The following SLC20A2 variants were observed in gnomAD, a reference collection of about 807,000 sequenced individuals.
SLC20A2 encodes the protein solute carrier family 20 member 2.
A neutral mutation model predicts 61.0 loss-of-function variants in SLC20A2; 30 were observed. That is an observed-to-expected ratio of 0.49 (90% CI 0.37 to 0.67). The LOEUF is 0.67. SLC20A2 is among the 30% of genes least tolerant of loss of function. SLC20A2 has a pLI of 0.00. For missense variants in SLC20A2, 626 were observed against 866.4 expected (o/e 0.72, Z 3.48); for synonymous variants, 351 against 353.3 (o/e 0.99, Z 0.07).
At chr8:42,523,758 A>G (rs765758464) in intron 1 of SLC20A2, among the ~76,000 whole-genome samples, 1 of 152,198 alleles carries the variant, frequency 6.6e-6, no homozygotes, top group Admixed American at 6.5e-5. Context: ...GTCCCAATGC[A>G]GGAAATTACA....
intron 1 of SLC20A2, among the ~76,000 whole-genome samples, chr8:42,495,173 G>T (rs137880833): frequency 6.6e-6 from 1 of 152,214 alleles, no homozygotes; most frequent in African/African-American, 2.4e-5. Context: ...TATTTTTAAT[G>T]ACACATTTGT....
At chr8:42,459,802 T>C in intron 5 of SLC20A2, 94 bp downstream of exon 5, 2 of 812,590 alleles carry the variant, frequency 2.5e-6, no homozygotes, top group Non-Finnish European at 4.1e-6. Context: ...GTAATGCTTT[T>C]TACTGTCAGC....
chr8:42,455,282 A>AGG (rs1361914686), intron 5 of SLC20A2, among the ~76,000 whole-genome samples: 4 of 147,402 alleles, frequency 2.7e-5, no homozygotes, highest in Non-Finnish European at 6.0e-5. Context: ...AGAGAGAGAG[A>AGG]GAGAGAGAGA....
At chr8:42,522,799 GGCCCAGGCGA>G (rs2131403932) in intron 1 of SLC20A2, among the ~76,000 whole-genome samples, 1 of 150,808 alleles carries the variant, frequency 6.6e-6, no homozygotes, top group East Asian at 2.0e-4. Context: ...TGAATTCCTG[GGCCCAGGCGA>G]GCCTCCTGCC....
chr8:42,471,992 A>G (rs987880563), intron 2 of SLC20A2, 110 bp downstream of exon 2: 1 of 917,876 alleles, frequency 1.1e-6, no homozygotes, highest in Non-Finnish European at 1.7e-6. Flanking sequence ...ACATCCAACC[A>G]GTTTTTGAAA....
intron 5 of SLC20A2, 24 bp from the exon 6 acceptor site, chr8:42,444,786 T>A: frequency 6.3e-7 from 1 of 1,581,436 alleles, no homozygotes; most frequent in Non-Finnish European, 8.7e-7. Flanking sequence ...TGAGAAGCAG[T>A]GTCATTACTG....
At chr8:42,446,128 G>GT (rs1156528002) in intron 5 of SLC20A2, among the ~76,000 whole-genome samples, 4 of 152,162 alleles carry the variant, frequency 2.6e-5, no homozygotes, top group Admixed American at 6.5e-5. Flanking sequence ...AGGAATAAGA[G>GT]TTTTTTAAAA....
intron 1 of SLC20A2, among the ~76,000 whole-genome samples, chr8:42,536,188 G>C: frequency 6.6e-6 from 1 of 152,150 alleles, no homozygotes; most frequent in East Asian, 1.9e-4. Flanking sequence ...ATTATTACAA[G>C]TTTCTTTTAT....
chr8:42,507,821 T>C (rs559319213), intron 1 of SLC20A2, among the ~76,000 whole-genome samples: 1 of 152,358 alleles, frequency 6.6e-6, no homozygotes, highest in Non-Finnish European at 1.5e-5. Flanking sequence ...TAAAAGTTCA[T>C]TCCAATAGGA....
intron 6 of SLC20A2, among the ~76,000 whole-genome samples, chr8:42,442,153 G>C (rs930315544): frequency 6.6e-6 from 1 of 151,908 alleles, no homozygotes; most frequent in Non-Finnish European, 1.5e-5. Context: ...GGCTGATCTC[G>C]AACTCCCGAC....
intron 1 of SLC20A2, among the ~76,000 whole-genome samples, chr8:42,507,541 T>C (rs969873233): frequency 6.6e-6 from 1 of 152,258 alleles, no homozygotes; most frequent in African/African-American, 2.4e-5. Context: ...TAGTTGATTT[T>C]TTAAATTATA....
At chr8:42,491,593 C>T (rs964852472) in intron 1 of SLC20A2, among the ~76,000 whole-genome samples, 1 of 151,828 alleles carries the variant, frequency 6.6e-6, no homozygotes, top group South Asian at 2.1e-4. Flanking sequence ...ATCGCTTGAA[C>T]GTGGAAGGCA....
chr8:42,462,522 C>T (rs1806791755), intron 4 of SLC20A2, among the ~76,000 whole-genome samples: 1 of 151,684 alleles, frequency 6.6e-6, no homozygotes, highest in South Asian at 2.1e-4. Flanking sequence ...CAAGATGTAC[C>T]CAATAGGTGT....
At chr8:42,538,826 C>G (rs1446899281) in intron 1 of SLC20A2, among the ~76,000 whole-genome samples, 1 of 152,182 alleles carries the variant, frequency 6.6e-6, no homozygotes, top group Non-Finnish European at 1.5e-5. Context: ...GAAAAACATA[C>G]AGAAATTCCA....
chr8:42,420,980 T>C (rs1802999388), intron 10 of SLC20A2, among the ~76,000 whole-genome samples: 1 of 152,246 alleles, frequency 6.6e-6, no homozygotes, highest in South Asian at 2.1e-4. Flanking sequence ...ATATTGCTGA[T>C]AATTTATTTC....
chr8:42,464,818 A>G (rs561944991), intron 3 of SLC20A2, among the ~76,000 whole-genome samples: 1 of 152,048 alleles, frequency 6.6e-6, no homozygotes, highest in African/African-American at 2.4e-5. Context: ...ACTAAAATAC[A>G]AAAGAAATGA....
intron 6 of SLC20A2, among the ~76,000 whole-genome samples, chr8:42,441,142 CTTTTTTTTT>C (rs112150338): frequency 1.6e-5 from 2 of 125,594 alleles, no homozygotes; most frequent in African/African-American, 6.0e-5. Context: ...ATATTTTGCT[CTTTTTTTTT>C]TTTTTTTTTT....
At chr8:42,452,911 TGAG>T (rs1229881759) in intron 5 of SLC20A2, among the ~76,000 whole-genome samples, 1 of 152,252 alleles carries the variant, frequency 6.6e-6, no homozygotes, top group South Asian at 2.1e-4. Context: ...AGAACGGTAA[TGAG>T]GAAGCCACGT....
rs568105859 is a variant in SLC20A2 at position 42,471,977 on chromosome 8, G to A, written c.289+125C>T. On this transcript the variant is annotated intron_variant, in intron 2 of 10. Coordinates refer to ENST00000520262, the MANE Select transcript of SLC20A2 (RefSeq NM_001257180.2). ...AGAAAGCAAAAATAAGAGAGTAAAT[G>A]TGAAACATCCAACCAGTTTTTGAAA... 9 of 795,092 alleles carry A rather than the reference G, an allele frequency of 1.1e-5. No homozygotes were observed. The South Asian group carries it at 1.6e-4, about 14-fold the overall frequency. The allele number at this position is 795,092 out of a possible 1,614,324, so 49.3% of individuals were successfully genotyped here.
Sources: allele counts gnomAD v4.1 joint callset (sites outside exome capture counted in the v4.1 genomes callset), GRCh38; gene constraint gnomAD v4.1.1; transcripts MANE v1.5; gene names NCBI Gene and HGNC (gene_info 2026-07-23, HGNC 2026-07-21).